The following SOCS2 variants were observed in gnomAD, a reference collection of about 807,000 sequenced individuals.
SOCS2 encodes CIS-2.
SOCS2 carries 10 observed loss-of-function variants against 18.6 expected under a neutral mutation model. The observed-to-expected ratio is 0.54, with a 90% CI of 0.33 to 0.91. The LOEUF (loss-of-function observed/expected upper bound fraction) is 0.91. SOCS2 is among the 40% of genes least tolerant of loss of function. The probability of loss-of-function intolerance (pLI) is 0.02; values close to 1 mark genes in which losing one functional copy is unlikely to be tolerated. For missense variants in SOCS2, 231 were observed against 247.2 expected (o/e 0.93, Z 0.44); for synonymous variants, 104 against 104.0 (o/e 1.00, Z 0.00).
the SOCS2 span, among the ~76,000 whole-genome samples, chr12:93,614,412 T>TCTTTCTTTCTTC: frequency 8.4e-6 from 1 of 118,904 alleles, no homozygotes; most frequent in Admixed American, 8.8e-5. Flanking sequence ...TTTCTTTCTT[T>TCTTTCTTTCTTC]CTTTCTTCCT....
At chr12:93,586,383 C>T (rs1267426959), downstream of SOCS2, among the ~76,000 whole-genome samples, 1 of 152,188 alleles carries the variant, frequency 6.6e-6, no homozygotes, top group African/African-American at 2.4e-5. Flanking sequence ...TGAAGCTTTT[C>T]AGGCACATTA....
At chr12:93,588,979 AG>A in the SOCS2 span, among the ~76,000 whole-genome samples, 1 of 152,208 alleles carries the variant, frequency 6.6e-6, no homozygotes, top group African/African-American at 2.4e-5. Flanking sequence ...GGGTACGCAT[AG>A]ACCCCATTTC....
the SOCS2 span, among the ~76,000 whole-genome samples, chr12:93,589,450 T>C: frequency 4.6e-5 from 7 of 152,204 alleles, no homozygotes; most frequent in Non-Finnish European, 7.4e-5. Context: ...TTCCTGATTG[T>C]TTTTATTAAA....
At chr12:93,608,294 C>G in the SOCS2 span, among the ~76,000 whole-genome samples, 6 of 152,074 alleles carry the variant, frequency 3.9e-5, no homozygotes. Context: ...AACCACCATA[C>G]TTGGCAATGT....
chr12:93,587,711 C>T (rs544874440), downstream of SOCS2, among the ~76,000 whole-genome samples: 11 of 151,208 alleles, frequency 7.3e-5, no homozygotes, highest in East Asian at 2.1e-3. Flanking sequence ...TTTGGCTAGG[C>T]CAAAGAGCCA....
At chr12:93,614,362 C>CTTCTTTCTTTCTTTCT in the SOCS2 span, among the ~76,000 whole-genome samples, 57 of 79,464 alleles carry the variant, frequency 7.2e-4, 1 homozygote, top group South Asian at 1.8e-3. Flanking sequence ...AGCAATTTTC[C>CTTCTTTCTTTCTTTCT]TTCTTTCTTT....
At chr12:93,579,157 C>G (rs117405874), downstream of SOCS2, among the ~76,000 whole-genome samples, 248 of 152,376 alleles carry the variant, frequency 1.6e-3, 3 homozygotes, top group Admixed American at 4.4e-3. Context: ...GCCCGCCCTC[C>G]CATCCTTACC....
chr12:93,581,798 C>T (rs1954544262), intron 1 of SOCS2, among the ~76,000 whole-genome samples: 1 of 152,142 alleles, frequency 6.6e-6, no homozygotes, highest in Non-Finnish European at 1.5e-5. Flanking sequence ...CTCTTACAGA[C>T]CATGAGAAAG....
chr12:93,607,679 C>A, the SOCS2 span, among the ~76,000 whole-genome samples: 1 of 152,166 alleles, frequency 6.6e-6, no homozygotes, highest in African/African-American at 2.4e-5. Context: ...AAAATCAATA[C>A]TATTTTAATG....
chr12:93,579,465 T>C (rs539578916), downstream of SOCS2, among the ~76,000 whole-genome samples: 2 of 152,234 alleles, frequency 1.3e-5, no homozygotes, highest in Admixed American at 6.5e-5. Flanking sequence ...TTTTTTTAAA[T>C]CTACTTATTT....
chr12:93,600,481 A>C, the SOCS2 span, among the ~76,000 whole-genome samples: 1 of 152,028 alleles, frequency 6.6e-6, no homozygotes, highest in East Asian at 1.9e-4. Flanking sequence ...CTTTGATACT[A>C]GCTTAAGGAT....
At chr12:93,598,158 T>C in the SOCS2 span, among the ~76,000 whole-genome samples, 2 of 152,038 alleles carry the variant, frequency 1.3e-5, no homozygotes, top group African/African-American at 2.4e-5. Context: ...AGGAAACACG[T>C]TGCTGACGAT....
chr12:93,621,997 T>C, the SOCS2 span, among the ~76,000 whole-genome samples: 1 of 152,214 alleles, frequency 6.6e-6, no homozygotes, highest in South Asian at 2.1e-4. Context: ...TTTAATTTAG[T>C]TCTTACAACA....
the SOCS2 span, among the ~76,000 whole-genome samples, chr12:93,605,760 T>C: frequency 6.6e-6 from 1 of 152,204 alleles, no homozygotes; most frequent in Non-Finnish European, 1.5e-5. Flanking sequence ...GTACTTCAAA[T>C]TGTGTCCTTC....
the SOCS2 span, among the ~76,000 whole-genome samples, chr12:93,613,916 G>C: frequency 6.6e-6 from 1 of 152,000 alleles, no homozygotes; most frequent in Non-Finnish European, 1.5e-5. Flanking sequence ...TTTAAAGCTG[G>C]TACCCTCCCA....
chr12:93,624,208 A>C, the SOCS2 span, among the ~76,000 whole-genome samples: 2 of 152,166 alleles, frequency 1.3e-5, no homozygotes. Context: ...GAAAGCAAAG[A>C]CTAGGCCCTC....
chr12:93,577,087 C>T (rs1954477231), downstream of SOCS2, among the ~76,000 whole-genome samples: 2 of 152,154 alleles, frequency 1.3e-5, no homozygotes, highest in Non-Finnish European at 2.9e-5. Context: ...GGTCTTTTGC[C>T]TTTCTATTGT....
At chr12:93,620,219 C>T in the SOCS2 span, among the ~76,000 whole-genome samples, 3 of 152,078 alleles carry the variant, frequency 2.0e-5, no homozygotes, top group African/African-American at 7.2e-5. Context: ...ATCATTTTCT[C>T]ATTTAATATT....
At chr12:93,610,304 C>T in the SOCS2 span, among the ~76,000 whole-genome samples, 1 of 152,128 alleles carries the variant, frequency 6.6e-6, no homozygotes, top group Non-Finnish European at 1.5e-5. Context: ...TCCCAGGACA[C>T]CCCTCAGTCC....
Sources: gnomAD v4.1 joint callset for allele counts (sites outside exome capture counted in the v4.1 genomes callset) on GRCh38, gnomAD v4.1.1 for gene constraint, MANE v1.5 for transcripts, NCBI Gene and HGNC (gene_info 2026-07-23, HGNC 2026-07-21) for gene names.